PRKDC: variants seen among roughly 807,000 people sequenced by gnomAD.
The protein encoded by PRKDC is protein kinase, DNA-activated, catalytic subunit, also known as DNA-dependent protein kinase catalytic subunit.
A neutral mutation model predicts 486.9 loss-of-function variants in PRKDC; 82 were observed. The observed-to-expected ratio is 0.17, with a 90% CI of 0.14 to 0.20. The LOEUF is 0.20. PRKDC is among the 10% of genes least tolerant of loss of function. The pLI, the probability that PRKDC is intolerant of heterozygous loss-of-function variation, is 1.00. For synonymous variants in PRKDC, 1,895 were observed against 1,837.0 expected (o/e 1.03, Z -0.81); for missense variants, 4,504 against 5,038.2 (o/e 0.89, Z 3.21).
intron 58 of PRKDC, among the ~76,000 whole-genome samples, chr8:47,834,911 C>T (rs377530119): frequency 7.9e-4 from 120 of 151,984 alleles, no homozygotes; most frequent in African/African-American, 2.7e-3. Flanking sequence ...AGGATGGTCT[C>T]GATCTCCTGA....
intron 83 of PRKDC, 108 bp downstream of exon 83, chr8:47,778,351 C>G: frequency 8.3e-7 from 1 of 1,207,898 alleles, no homozygotes; most frequent in Non-Finnish European, 1.1e-6. Context: ...CAAAACGAAT[C>G]TAACTAATAT....
chr8:47,914,315 A>G (rs1053934125), intron 23 of PRKDC, among the ~76,000 whole-genome samples: 18 of 152,222 alleles, frequency 1.2e-4, no homozygotes, highest in Non-Finnish European at 2.9e-5. Flanking sequence ...CAAATTCAGT[A>G]AGAGTTACTT....
intron 40 of PRKDC, among the ~76,000 whole-genome samples, chr8:47,866,617 G>T (rs926431531): frequency 5.3e-5 from 8 of 152,004 alleles, no homozygotes; most frequent in Admixed American, 2.6e-4. Context: ...CATAATAAAA[G>T]AAAAATTAAG....
chr8:47,824,038 G>A (rs756821684), intron 63 of PRKDC, 42 bp from the exon 64 acceptor site: 4 of 1,465,776 alleles, frequency 2.7e-6, no homozygotes, highest in South Asian at 1.6e-5. Flanking sequence ...GAACACTCCA[G>A]TATTTTAAAA....
chr8:47,776,811 T>A, intron 85 of PRKDC, 33 bp downstream of exon 85: 2 of 1,611,988 alleles, frequency 1.2e-6, no homozygotes, highest in Non-Finnish European at 1.7e-6. Context: ...ATGTCGGTAG[T>A]CCGTTAGTTT....
chr8:47,947,298 T>C (rs1477903891), intron 7 of PRKDC, among the ~76,000 whole-genome samples: 1 of 152,168 alleles, frequency 6.6e-6, no homozygotes, highest in Non-Finnish European at 1.5e-5. Flanking sequence ...GCTCCACCTC[T>C]CCAAATTCTG....
chr8:47,872,160 T>TAA (rs1222362779), intron 40 of PRKDC, among the ~76,000 whole-genome samples: 1 of 152,226 alleles, frequency 6.6e-6, no homozygotes, highest in Non-Finnish European at 1.5e-5. Flanking sequence ...GTATAATTTT[T>TAA]ATTAGTTTTT....
intron 30 of PRKDC, among the ~76,000 whole-genome samples, chr8:47,896,383 G>C (rs929762792): frequency 1.6e-4 from 24 of 151,876 alleles, no homozygotes; most frequent in East Asian, 1.6e-3. Context: ...TGCAGTGGCT[G>C]ACGCCTGTAA....
chr8:47,914,790 G>C (rs1447257029), intron 23 of PRKDC, among the ~76,000 whole-genome samples: 7 of 134,024 alleles, frequency 5.2e-5, no homozygotes, highest in Non-Finnish European at 1.0e-4. Context: ...AACAGAGCGA[G>C]GGGAAAAAAA....
At position 47,939,712 on chromosome 8, in the gene PRKDC, T is replaced by G. The variant is rs1384737660; in HGVS notation, c.967-15A>C. 1 of 1,554,084 alleles carries G rather than the reference T, an allele frequency of 6.4e-7. No individual in the cohort carries two copies. Among genetic ancestry groups the G allele is most frequent in the Non-Finnish European group, 8.7e-7 (1 of 1,147,332 alleles). The stretch of plus-strand genomic sequence containing the variant: ...ATATTAGAAACCTGCAAATACATAA[T>G]ATTTATTTTTTTGGAAATATTTAAT... On this transcript the variant is annotated splice_polypyrimidine_tract_variant and intron_variant, in intron 10 of 85. Coordinates refer to ENST00000314191, the MANE Select transcript of PRKDC (RefSeq NM_006904.7).
At chr8:47,787,367 A>G (rs1444640656) in intron 76 of PRKDC, among the ~76,000 whole-genome samples, 1 of 152,246 alleles carries the variant, frequency 6.6e-6, no homozygotes, top group Non-Finnish European at 1.5e-5. Context: ...AAATGTAGAA[A>G]ACAATTTTCA....
intron 7 of PRKDC, among the ~76,000 whole-genome samples, chr8:47,949,469 C>T (rs1311195914): frequency 6.6e-6 from 1 of 152,192 alleles, no homozygotes; most frequent in East Asian, 1.9e-4. Flanking sequence ...GTCCTTAACA[C>T]ACAATAAATG....
In PRKDC at chr8:47,879,476, C is replaced by T. The variant is rs745639563; in HGVS notation, c.5235+15G>A. The T allele has an allele frequency of 2.0e-6, 3 of 1,538,210 alleles. No individual in the cohort carries two copies. The highest frequency in any genetic ancestry group is 2.6e-6 in the Non-Finnish European group (3 of 1,139,116). ...AACAGTGTTTTAATTTTACTTGATACTACTAGAAACTAACCTTTTTCATGC... is the reference window on the plus strand; with the variant it reads ...AACAGTGTTTTAATTTTACTTGATATTACTAGAAACTAACCTTTTTCATGC... On this transcript the variant is annotated intron_variant, in intron 39 of 85. Transcript: ENST00000314191.
At chr8:47,900,865 G>T (rs1563793905) in intron 27 of PRKDC, among the ~76,000 whole-genome samples, 1 of 151,012 alleles carries the variant, frequency 6.6e-6, no homozygotes, top group Admixed American at 6.6e-5. Flanking sequence ...AAAAAAAATT[G>T]TTTTTTTGTT....
Position 47,782,740 on chromosome 8 carries a change from A to G in PRKDC, c.11176-142T>C. The G allele has an allele frequency of 6.1e-6, 5 of 824,474 alleles. No individual in the cohort carries two copies. The highest frequency in any genetic ancestry group is 9.3e-6 in the Non-Finnish European group (5 of 537,274). 51.1% of individuals were successfully genotyped at this position (824,474 alleles called of 1,614,324 possible). A position where few individuals can be genotyped will look rare whatever the true frequency, so the allele number is the denominator to read the frequency against. Reference sequence around the variant, plus strand: ...AAAGAGCAGAGCGCCCAGGCCAGCAACGAATTTCTGCTACCTGCTTGTGCC... The same window carrying G: ...AAAGAGCAGAGCGCCCAGGCCAGCAGCGAATTTCTGCTACCTGCTTGTGCC... On this transcript the variant is annotated intron_variant, in intron 78 of 85. Transcript: ENST00000314191. This position sits in a 1 kb window ranked among gnomAD's most constrained non-coding sequence, Gnocchi z 4.9.
chr8:47,783,961 A>C (rs2086744674), intron 77 of PRKDC, 152 bp from the exon 78 acceptor site: 1 of 765,074 alleles, frequency 1.3e-6, no homozygotes, highest in African/African-American at 1.8e-5. Context: ...TGACTTTAAA[A>C]AAAATGTTAT....
In PRKDC at chr8:47,927,225, C is replaced by T; in HGVS notation, c.2388G>A (p.Leu796=). 6.2e-7 allele frequency: 1 copy of T among 1,613,818 alleles called. No homozygotes were observed. The highest frequency in any genetic ancestry group is 8.5e-7 in the Non-Finnish European group (1 of 1,179,794). ...AGGCTGAAGTCTTCAGGTATCCATC[C>T]AGGCAGGGGAGAATGTCTTTGTAAT... ...QPYYKDILPC[L]DGYLKTSALS... is the part of the protein sequence containing the mutation. The change falls in exon 21 of 86, where the codon CTG becomes CTA. Residue 796 remains leucine (L), a synonymous_variant. Coordinates refer to ENST00000314191, the MANE Select transcript of PRKDC (RefSeq NM_006904.7).
At chr8:47,849,343 C>T (rs1446585965) in intron 53 of PRKDC, 36 bp downstream of exon 53, 1 of 1,613,700 alleles carries the variant, frequency 6.2e-7, no homozygotes, top group Non-Finnish European at 8.5e-7. Flanking sequence ...GGCCGAGGAC[C>T]CTCCTGCCCC....
rs35938758 is a variant in PRKDC at position 47,927,800 on chromosome 8, C to T, written c.2230G>A (p.Asp744Asn). ...LSLPHNIIELDVRAYVPALQM... is the reference protein window; with the variant it reads ...LSLPHNIIELNVRAYVPALQM... The stretch of plus-strand genomic sequence containing the variant: ...AGTGCAGGAACGTAGGCTCTAACAT[C>T]GAGTTCAATGATGTTGTGTGGCAAG... The change falls in exon 20 of 86, where the codon GAT (aspartate) becomes AAT (asparagine). Residue 744 changes from aspartate (D) to asparagine (N), a missense_variant. Transcript: ENST00000314191. The T allele has an allele frequency of 2.6e-4, 412 of 1,581,426 alleles. No homozygotes were observed. Among genetic ancestry groups the T allele is most frequent in the Non-Finnish European group, 3.5e-4 (403 of 1,166,498 alleles).
Sources: allele counts gnomAD v4.1 joint callset (sites outside exome capture counted in the v4.1 genomes callset), GRCh38; gene constraint gnomAD v4.1.1; non-coding constraint Gnocchi (gnomAD v3.1); transcripts MANE v1.5; gene names NCBI Gene and HGNC (gene_info 2026-07-23, HGNC 2026-07-21).